ZNF710: variants seen among roughly 807,000 people sequenced by gnomAD.
ZNF710 encodes zinc finger protein 710.
Under a neutral mutation model 50.6 loss-of-function variants are expected in ZNF710, and 13 were observed. The observed-to-expected ratio is 0.26, with a 90% CI of 0.17 to 0.41. The LOEUF (loss-of-function observed/expected upper bound fraction) is 0.41, where lower values mean the gene tolerates loss of function less well. ZNF710 is among the 10% of genes least tolerant of loss of function. The probability of loss-of-function intolerance (pLI) is 1.00; values close to 1 mark genes in which losing one functional copy is unlikely to be tolerated. For missense variants in ZNF710, 721 were observed against 936.6 expected (o/e 0.77, Z 3.01); for synonymous variants, 383 against 397.0 (o/e 0.96, Z 0.42).
chr15:90,028,608 A>G (rs1029832903), intron 1 of ZNF710, among the ~76,000 whole-genome samples: 1 of 152,184 alleles, frequency 6.6e-6, no homozygotes, highest in East Asian at 1.9e-4. Context: ...CAGTGTCATT[A>G]TTCACCAAGT....
At chr15:90,076,051 T>C (rs1838760727) in intron 4 of ZNF710, 1 of 152,240 alleles carries the variant, frequency 6.6e-6, no homozygotes, top group African/African-American at 2.4e-5. Flanking sequence ...ATTCAGTAGA[T>C]CTGGGGTGGG....
intron 1 of ZNF710, among the ~76,000 whole-genome samples, chr15:90,004,313 A>G (rs1018139940): frequency 1.4e-4 from 21 of 152,042 alleles, no homozygotes; most frequent in Admixed American, 1.3e-4. Context: ...AAGAAGCACA[A>G]CTTCTTTCTA....
upstream of ZNF710, among the ~76,000 whole-genome samples, chr15:89,999,954 T>G (rs1897975756): frequency 6.6e-6 from 1 of 150,712 alleles, no homozygotes. Flanking sequence ...GGGGAGAGGA[T>G]CCAGGCTTTC....
intron 1 of ZNF710, among the ~76,000 whole-genome samples, chr15:90,023,357 C>CT (rs964688092): frequency 6.6e-6 from 1 of 152,220 alleles, no homozygotes; most frequent in Non-Finnish European, 1.5e-5. Context: ...TGCACAAGTT[C>CT]TTCTGCTGGC....
upstream of ZNF710, among the ~76,000 whole-genome samples, chr15:90,000,073 A>C (rs1897977482): frequency 6.6e-6 from 1 of 150,738 alleles, no homozygotes; most frequent in Non-Finnish European, 1.5e-5. Flanking sequence ...CTGCAGCCCC[A>C]GTCCGAGGGC....
At chr15:90,053,318 G>T (rs1458727224) in intron 1 of ZNF710, among the ~76,000 whole-genome samples, 4 of 151,762 alleles carry the variant, frequency 2.6e-5, no homozygotes, top group Non-Finnish European at 5.9e-5. Flanking sequence ...GGTGGTGAAT[G>T]GTTGGGTTTC....
intron 1 of ZNF710, among the ~76,000 whole-genome samples, chr15:90,064,649 G>A (rs138889739): frequency 6.6e-6 from 1 of 152,172 alleles, no homozygotes; most frequent in African/African-American, 2.4e-5. Context: ...CACCACGCCC[G>A]GCTAATTTTT....
At chr15:90,008,612 G>A (rs916135181) in intron 1 of ZNF710, among the ~76,000 whole-genome samples, 1 of 150,762 alleles carries the variant, frequency 6.6e-6, no homozygotes, top group Non-Finnish European at 1.5e-5. Context: ...GTGAGACCCT[G>A]TCTCTACAAA....
chr15:90,059,142 G>A lies in ZNF710; in HGVS notation c.-28-7968G>A, dbSNP rs562192423. 6.6e-6 allele frequency among the ~76,000 whole-genome samples: 1 copy of A among 152,358 alleles called. No individual in the cohort carries two copies. The highest frequency in any genetic ancestry group is 2.1e-4 in the South Asian group (1 of 4,830). On this transcript the variant is annotated intron_variant, in intron 1 of 4. Transcript: ENST00000268154. This position sits in a 1 kb window ranked among gnomAD's most constrained non-coding sequence, Gnocchi z 4.1. Reference sequence around the variant, plus strand: ...GTCCTCATGTACTTCAAGGGAAGCAGTGCTTGCACTAAATCCTCAAAGATG... The same window carrying A: ...GTCCTCATGTACTTCAAGGGAAGCAATGCTTGCACTAAATCCTCAAAGATG...
rs1208135853 is a variant in ZNF710, at chr15:90,017,646, C to T, written c.-29+16032C>T. Among the ~76,000 whole-genome samples, 4 of 151,884 alleles carry T rather than the reference C, an allele frequency of 2.6e-5. No homozygotes were observed. The South Asian group carries it at 8.4e-4, about 32-fold the overall frequency. Reference sequence around the variant, plus strand: ...TCTTGCAAGGGATGCATCCTAATGACCCATCCTGTCCACTTTTGTTTGGTT... The same window carrying T: ...TCTTGCAAGGGATGCATCCTAATGATCCATCCTGTCCACTTTTGTTTGGTT... On this transcript the variant is annotated intron_variant, in intron 1 of 4. Transcript: ENST00000268154.
intron 1 of ZNF710, among the ~76,000 whole-genome samples, chr15:90,057,978 G>A (rs1242797559): frequency 6.6e-6 from 1 of 152,148 alleles, no homozygotes; most frequent in South Asian, 2.1e-4. Flanking sequence ...TTAGGGTACT[G>A]TGACCTCTTA....
chr15:90,021,397 G>A (rs918729658), intron 1 of ZNF710, among the ~76,000 whole-genome samples: 1 of 152,158 alleles, frequency 6.6e-6, no homozygotes, highest in Non-Finnish European at 1.5e-5. Context: ...CCTGTAAAAT[G>A]GGTTCATGAG....
rs1162894862 is a variant in ZNF710 at position 90,031,031 on chromosome 15, A to AAAAC, written c.-29+29420_-29+29421insCAAA. ...GAGACTCCGTCTCAAAAAAAAAGAA[A>AAAAC]AAAAAAAAAATGCTTAATGGATTGT... On this transcript the variant is annotated intron_variant, in intron 1 of 4. Transcript: ENST00000268154. Among the ~76,000 whole-genome samples, 16 of 151,164 alleles carry AAAAC rather than the reference A, an allele frequency of 1.1e-4. 2 individuals carry two copies. The highest frequency in any genetic ancestry group is 1.2e-4 in the Non-Finnish European group (8 of 67,700).
chr15:90,052,793 C>T (rs981128945), intron 1 of ZNF710, among the ~76,000 whole-genome samples: 1 of 152,140 alleles, frequency 6.6e-6, no homozygotes, highest in Admixed American at 6.5e-5. Context: ...ACTAGCCAGG[C>T]GTGTTGGCGC....
intron 1 of ZNF710, among the ~76,000 whole-genome samples, chr15:90,052,145 C>T (rs1899664890): frequency 6.6e-6 from 1 of 152,150 alleles, no homozygotes. Flanking sequence ...ATGGCCCCTC[C>T]CTGGCCTGAT....
intron 4 of ZNF710, chr15:90,074,627 G>A: frequency 2.6e-6 from 2 of 771,762 alleles, no homozygotes; most frequent in Non-Finnish European, 3.7e-6. Flanking sequence ...TACAGATGCA[G>A]AAACTGAAGA....
chr15:90,025,723 A>T (rs1017591691), intron 1 of ZNF710: 2 of 152,228 alleles, frequency 1.3e-5, no homozygotes, highest in Non-Finnish European at 2.9e-5. Context: ...AAAAACTCAT[A>T]TTCTACCCAA....
chr15:90,054,417 G>C (rs746270249), intron 1 of ZNF710, among the ~76,000 whole-genome samples: 10 of 152,314 alleles, frequency 6.6e-5, no homozygotes, highest in South Asian at 6.2e-4. Context: ...TGGGAAAACA[G>C]GTTGGCAGGG....
At chr15:90,031,036 A>AAAAC (rs1194213895) in intron 1 of ZNF710, among the ~76,000 whole-genome samples, 2 of 151,070 alleles carry the variant, frequency 1.3e-5, no homozygotes, top group Non-Finnish European at 3.0e-5. Flanking sequence ...AAGAAAAAAA[A>AAAAC]AAAAATGCTT....
Sources: allele counts gnomAD v4.1 joint callset (sites outside exome capture counted in the v4.1 genomes callset), GRCh38; gene constraint gnomAD v4.1.1; non-coding constraint Gnocchi (gnomAD v3.1); transcripts MANE v1.5; gene names NCBI Gene and HGNC (gene_info 2026-07-23, HGNC 2026-07-21).